Variants in FHIT observed in about 807,000 individuals in gnomAD.
FHIT encodes bis(5'-adenosyl)-triphosphatase.
In FHIT, 19 loss-of-function variants were observed where a neutral mutation model predicts 17.9. That is an observed-to-expected ratio of 1.06 (90% CI 0.74 to 1.56). The LOEUF (loss-of-function observed/expected upper bound fraction) is 1.56. FHIT is among the 40% of genes most tolerant of loss of function. The pLI is 0.00. For synonymous variants in FHIT, 81 were observed against 69.7 expected (o/e 1.16, Z -0.81); for missense variants, 248 against 189.2 (o/e 1.31, Z -1.82).
At chr3:60,357,944 T>C (rs1699746643) in intron 5 of FHIT, among the ~76,000 whole-genome samples, 1 of 152,174 alleles carries the variant, frequency 6.6e-6, no homozygotes, top group Non-Finnish European at 1.5e-5. Flanking sequence ...CTCATAATTG[T>C]ATTATGTACA....
At chr3:60,405,429 G>A (rs145720472) in intron 5 of FHIT, among the ~76,000 whole-genome samples, 15 of 152,262 alleles carry the variant, frequency 9.9e-5, no homozygotes, top group South Asian at 4.2e-4. Context: ...GGGACCACCC[G>A]CATGACCCCT....
chr3:60,109,633 T>C (rs1261944448), intron 5 of FHIT, among the ~76,000 whole-genome samples: 1 of 152,158 alleles, frequency 6.6e-6, no homozygotes, highest in Non-Finnish European at 1.5e-5. Flanking sequence ...GTTAATGGTT[T>C]CCTTAAATGC....
intron 5 of FHIT, among the ~76,000 whole-genome samples, chr3:60,275,269 G>A (rs140953000): frequency 1.2e-3 from 182 of 150,956 alleles, no homozygotes; most frequent in African/African-American, 4.2e-3. Flanking sequence ...AACTTACTTA[G>A]CAAGGTCATC....
intron 8 of FHIT, among the ~76,000 whole-genome samples, chr3:59,918,073 C>T (rs1705218589): frequency 6.6e-6 from 1 of 152,244 alleles, no homozygotes; most frequent in African/African-American, 2.4e-5. Context: ...AAATTCACCT[C>T]AGATGGCTGA....
At chr3:60,965,250 C>T (rs1176031417) in intron 3 of FHIT, among the ~76,000 whole-genome samples, 1 of 152,122 alleles carries the variant, frequency 6.6e-6, no homozygotes, top group African/African-American at 2.4e-5. Flanking sequence ...GCATGCATCA[C>T]GTAGTTCTCA....
intron 5 of FHIT, among the ~76,000 whole-genome samples, chr3:60,157,970 G>T (rs948533631): frequency 1.3e-5 from 2 of 152,142 alleles, no homozygotes; most frequent in Non-Finnish European, 2.9e-5. Flanking sequence ...TTGCTTCCTT[G>T]TTCGGTTCCT....
chr3:59,755,271 G>C (rs1041165574), intron 8 of FHIT, among the ~76,000 whole-genome samples: 2 of 152,202 alleles, frequency 1.3e-5, no homozygotes, highest in Non-Finnish European at 2.9e-5. Flanking sequence ...ATGCAGTTCA[G>C]CAGCCTTTGA....
chr3:60,024,688 A>G (rs9860752), intron 5 of FHIT, among the ~76,000 whole-genome samples: 4,244 of 152,264 alleles, frequency 0.028, 199 homozygotes, highest in African/African-American at 0.096. Context: ...TGAGAAAGAA[A>G]AGGTGCAAGA....
intron 5 of FHIT, among the ~76,000 whole-genome samples, chr3:60,363,562 G>A (rs1699988780): frequency 6.6e-6 from 1 of 152,076 alleles, no homozygotes; most frequent in Non-Finnish European, 1.5e-5. Flanking sequence ...GATGTGGAGT[G>A]GTTACATCAT....
chr3:59,841,888 T>C (rs1701546955), intron 8 of FHIT, among the ~76,000 whole-genome samples: 1 of 152,218 alleles, frequency 6.6e-6, no homozygotes, highest in African/African-American at 2.4e-5. Context: ...CCAATTTCTT[T>C]TATTGTGGTA....
At chr3:59,948,914 A>T (rs1413729859) in intron 7 of FHIT, among the ~76,000 whole-genome samples, 1 of 151,892 alleles carries the variant, frequency 6.6e-6, no homozygotes, top group East Asian at 1.9e-4. Context: ...TTGGGGGAAC[A>T]TGTGCAGGTT....
At position 60,146,263 on chromosome 3, in the gene FHIT, G is replaced by T. The variant is rs1359940787; in HGVS notation, c.104-132111C>A. 2.6e-5 allele frequency among the ~76,000 whole-genome samples: 4 copies of T among 151,284 alleles called. No individual in the cohort carries two copies. In the East Asian group the frequency reaches 5.8e-4, roughly 22 times the overall value. On this transcript the variant is annotated intron_variant, in intron 5 of 9. Coordinates refer to ENST00000492590, the MANE Select transcript of FHIT (RefSeq NM_002012.4). ...ATATACTCATTTAAAAAAAAAAAGG[G>T]CAGGGGGTAGGAGGGGGCTGACTTG...
chr3:60,266,862 A>C (rs923659683), intron 5 of FHIT, among the ~76,000 whole-genome samples: 1 of 152,108 alleles, frequency 6.6e-6, no homozygotes, highest in African/African-American at 2.4e-5. Context: ...TTGGGGGCTA[A>C]GACAGTGATA....
intron 5 of FHIT, among the ~76,000 whole-genome samples, chr3:60,516,686 A>G (rs867006047): frequency 6.6e-6 from 1 of 152,356 alleles, no homozygotes; most frequent in Non-Finnish European, 1.5e-5. Flanking sequence ...TATTTATCAA[A>G]TGCCTAGAAC....
rs372300933 is a variant in FHIT at position 60,120,543 on chromosome 3, A to G, written c.104-106391T>C. The stretch of plus-strand genomic sequence containing the variant: ...GGAAGCAATTTCCTATTTGATTAAG[A>G]GTACGACAGCAGCGAGGACTGGAGT... On this transcript the variant is annotated intron_variant, in intron 5 of 9. Transcript: ENST00000492590. 3.9e-4 allele frequency among the ~76,000 whole-genome samples: 59 copies of G among 152,356 alleles called. 2 individuals are homozygous for G. In the South Asian group the frequency reaches 0.012, roughly 30 times the overall value.
intron 4 of FHIT, among the ~76,000 whole-genome samples, chr3:60,624,118 T>G (rs1409003860): frequency 2.0e-5 from 3 of 152,106 alleles, no homozygotes; most frequent in Non-Finnish European, 4.4e-5. Context: ...CAAAAGTTAA[T>G]GAGGAGAGCA....
At chr3:60,573,586 C>T (rs1304541407) in intron 4 of FHIT, among the ~76,000 whole-genome samples, 1 of 152,112 alleles carries the variant, frequency 6.6e-6, no homozygotes, top group African/African-American at 2.4e-5. Context: ...CCTGCAGCAT[C>T]CAGAGCAGCT....
intron 3 of FHIT, among the ~76,000 whole-genome samples, chr3:60,964,258 G>C (rs1182722877): frequency 2.0e-5 from 3 of 150,320 alleles, no homozygotes; most frequent in Non-Finnish European, 4.4e-5. Flanking sequence ...TGCAACCCCT[G>C]CTTGTTTTTT....
chr3:60,965,900 G>A (rs1709714621), intron 3 of FHIT, among the ~76,000 whole-genome samples: 1 of 152,170 alleles, frequency 6.6e-6, no homozygotes, highest in Admixed American at 6.5e-5. Flanking sequence ...ACCCACTTGA[G>A]GAGGCATTCT....
Sources: gnomAD v4.1 joint callset for allele counts (sites outside exome capture counted in the v4.1 genomes callset) on GRCh38, gnomAD v4.1.1 for gene constraint, MANE v1.5 for transcripts, NCBI Gene and HGNC (gene_info 2026-07-23, HGNC 2026-07-21) for gene names.